Variants in CTNNA3 observed in about 807,000 individuals in gnomAD.
The protein encoded by CTNNA3 is catenin alpha-3.
Under a neutral mutation model 95.7 loss-of-function variants are expected in CTNNA3, and 76 were observed. The ratio of observed to expected loss-of-function variants is 0.79; its 90% CI spans 0.66 to 0.96. CTNNA3 has a LOEUF of 0.96. Ranked by LOEUF, CTNNA3 falls within the 40% of genes least tolerant of loss-of-function variation. The pLI is 0.00. For missense variants in CTNNA3, 1,191 were observed against 1,089.8 expected (o/e 1.09, Z -1.31); for synonymous variants, 431 against 374.4 (o/e 1.15, Z -1.74).
intron 7 of CTNNA3, among the ~76,000 whole-genome samples, chr10:67,156,006 A>G (rs1861296310): frequency 6.6e-6 from 1 of 152,048 alleles, no homozygotes; most frequent in Non-Finnish European, 1.5e-5. Flanking sequence ...TTATTTGTTC[A>G]TGATTCATTC....
intron 15 of CTNNA3, among the ~76,000 whole-genome samples, chr10:66,057,514 C>T (rs1023593153): frequency 5.3e-5 from 8 of 152,166 alleles, no homozygotes; most frequent in Non-Finnish European, 1.5e-5. Flanking sequence ...TCATCCTGTA[C>T]ATTTTTATCA....
chr10:66,353,459 A>C (rs559434002), intron 12 of CTNNA3, among the ~76,000 whole-genome samples: 1 of 152,280 alleles, frequency 6.6e-6, no homozygotes, highest in South Asian at 2.1e-4. Context: ...ATGCACAAAA[A>C]TAAAATATTG....
chr10:66,494,524 G>T (rs1266556085), intron 11 of CTNNA3, among the ~76,000 whole-genome samples: 1 of 152,178 alleles, frequency 6.6e-6, no homozygotes, highest in East Asian at 1.9e-4. Flanking sequence ...TCTAAGTTTT[G>T]TGCTTGCATT....
intron 11 of CTNNA3, among the ~76,000 whole-genome samples, chr10:66,431,993 A>C (rs2093300781): frequency 6.6e-6 from 1 of 152,074 alleles, no homozygotes; most frequent in South Asian, 2.1e-4. Context: ...ATGTAGAAAA[A>C]CTAGTACAAT....
At chr10:66,108,602 A>AT (rs2081998301) in intron 13 of CTNNA3, among the ~76,000 whole-genome samples, 1 of 149,830 alleles carries the variant, frequency 6.7e-6, no homozygotes, top group Admixed American at 6.6e-5. Flanking sequence ...TTTTCTCTTC[A>AT]TTTTTTTCCT....
intron 10 of CTNNA3, 92 bp from the exon 11 acceptor site, chr10:66,520,865 T>C: frequency 1.5e-6 from 1 of 672,694 alleles, no homozygotes; most frequent in South Asian, 2.4e-5. Flanking sequence ...TTCACCACTA[T>C]GCAATATATT....
chr10:66,753,752 A>G (rs12779280), intron 9 of CTNNA3, among the ~76,000 whole-genome samples: 50 of 152,054 alleles, frequency 3.3e-4, no homozygotes, highest in Non-Finnish European at 4.1e-4. Flanking sequence ...TCTGAAAATG[A>G]AATTAAGAAA....
chr10:66,274,023 G>C (rs372527628), intron 13 of CTNNA3, among the ~76,000 whole-genome samples: 1 of 152,096 alleles, frequency 6.6e-6, no homozygotes, highest in African/African-American at 2.4e-5. Flanking sequence ...CTAATAAAAA[G>C]GTGAGTGGAT....
rs546390479 is a variant in CTNNA3 at position 65,981,937 on chromosome 10, G to A, written c.2265+6755C>T. 9.9e-5 allele frequency among the ~76,000 whole-genome samples: 15 copies of A among 151,914 alleles called. No individual in the cohort carries two copies. In the South Asian group the frequency reaches 2.5e-3, roughly 25 times the overall value. On this transcript the variant is annotated intron_variant, in intron 16 of 17. Coordinates refer to ENST00000433211, the MANE Select transcript of CTNNA3 (RefSeq NM_013266.4). The stretch of plus-strand genomic sequence containing the variant: ...AAAACCCTTCTAGACACTGGTTTCG[G>A]CAAAGACTCTGTGACCAAGAACCCA...
chr10:66,333,604 C>T (rs1219342015), intron 12 of CTNNA3, among the ~76,000 whole-genome samples: 2 of 151,954 alleles, frequency 1.3e-5, no homozygotes, highest in African/African-American at 2.4e-5. Context: ...CAGTTTTTTA[C>T]AATTTCTGTT....
At chr10:66,904,292 G>T (rs1435767615) in intron 7 of CTNNA3, among the ~76,000 whole-genome samples, 1 of 152,196 alleles carries the variant, frequency 6.6e-6, no homozygotes, top group African/African-American at 2.4e-5. Flanking sequence ...AATTAATGGT[G>T]CTGGGAAAAC....
chr10:66,484,796 A>T (rs1435059367), intron 11 of CTNNA3, among the ~76,000 whole-genome samples: 1 of 152,050 alleles, frequency 6.6e-6, no homozygotes, highest in Admixed American at 6.6e-5. Flanking sequence ...TATATAGGCC[A>T]ATATTCCTGA....
chr10:67,555,309 A>C (rs1841198594), intron 3 of CTNNA3, among the ~76,000 whole-genome samples: 1 of 152,158 alleles, frequency 6.6e-6, no homozygotes, highest in African/African-American at 2.4e-5. Flanking sequence ...TGGTAGCTTG[A>C]TGCAGATGGC....
intron 17 of CTNNA3, among the ~76,000 whole-genome samples, chr10:65,958,555 G>T (rs190651611): frequency 6.6e-6 from 1 of 152,084 alleles, no homozygotes; most frequent in Admixed American, 6.6e-5. Context: ...TGATGGTGAC[G>T]TACAGATGGG....
At chr10:66,907,251 AT>A (rs1846027278) in intron 7 of CTNNA3, among the ~76,000 whole-genome samples, 2 of 152,060 alleles carry the variant, frequency 1.3e-5, no homozygotes, top group Non-Finnish European at 1.5e-5. Context: ...ATTTTTTTCA[AT>A]TTCACTAATT....
intron 11 of CTNNA3, among the ~76,000 whole-genome samples, chr10:66,379,825 A>T (rs888431804): frequency 6.6e-6 from 1 of 152,192 alleles, no homozygotes; most frequent in African/African-American, 2.4e-5. Flanking sequence ...GTGTCTCCTG[A>T]CCTCATCCTC....
intron 7 of CTNNA3, among the ~76,000 whole-genome samples, chr10:67,011,210 A>G (rs1225586452): frequency 2.0e-5 from 3 of 151,888 alleles, no homozygotes; most frequent in Non-Finnish European, 2.9e-5. Context: ...GTGTGGTGGT[A>G]TGTGACTGTA....
At chr10:66,387,800 A>G (rs1005546154) in intron 11 of CTNNA3, among the ~76,000 whole-genome samples, 3 of 152,180 alleles carry the variant, frequency 2.0e-5, no homozygotes, top group African/African-American at 7.2e-5. Flanking sequence ...TTTCAGGGAC[A>G]TGGATGAAGC....
chr10:66,659,819 T>A (rs987831344), intron 9 of CTNNA3, among the ~76,000 whole-genome samples: 1 of 152,094 alleles, frequency 6.6e-6, no homozygotes, highest in Non-Finnish European at 1.5e-5. Flanking sequence ...CTTCCCAACC[T>A]CCAGAACTGT....
Sources: allele counts gnomAD v4.1 joint callset (sites outside exome capture counted in the v4.1 genomes callset), GRCh38; gene constraint gnomAD v4.1.1; transcripts MANE v1.5; gene names NCBI Gene and HGNC (gene_info 2026-07-23, HGNC 2026-07-21).